Variants in ITGB6 observed in about 807,000 individuals in gnomAD.
ITGB6 encodes integrin beta-6.
Under a neutral mutation model 84.5 loss-of-function variants are expected in ITGB6, and 80 were observed. That is an observed-to-expected ratio of 0.95 (90% CI 0.79 to 1.14). ITGB6 has a LOEUF of 1.14. Ranked by LOEUF, ITGB6 falls within the 50% of genes most tolerant of loss-of-function variation. The pLI, the probability that ITGB6 is intolerant of heterozygous loss-of-function variation, is 0.00. For synonymous variants in ITGB6, 383 were observed against 354.9 expected (o/e 1.08, Z -0.89); for missense variants, 1,006 against 968.0 (o/e 1.04, Z -0.52).
chr2:160,128,459 A>G (rs1008780917), intron 10 of ITGB6, among the ~76,000 whole-genome samples: 3 of 152,188 alleles, frequency 2.0e-5, no homozygotes, highest in Non-Finnish European at 2.9e-5. Context: ...CTGAAGGAAG[A>G]GCTTCTATCC....
At chr2:160,175,983 G>C (rs1331514775) in intron 4 of ITGB6, among the ~76,000 whole-genome samples, 1 of 152,212 alleles carries the variant, frequency 6.6e-6, no homozygotes, top group African/African-American at 2.4e-5. Context: ...CTTTCACACT[G>C]AGTAAGGATG....
chr2:160,142,110 C>G, intron 7 of ITGB6, 39 bp from the exon 8 acceptor site: 1 of 1,329,676 alleles, frequency 7.5e-7, no homozygotes, highest in African/African-American at 1.5e-5. Context: ...TTTGTTTCCT[C>G]ATGGTAATTG....
rs1682546760 is a variant in ITGB6, at chr2:160,112,100, A to G, written c.2081T>C (p.Ile694Thr). 1 of 1,613,318 alleles carries G rather than the reference A, an allele frequency of 6.2e-7. No individual in the cohort carries two copies. Among genetic ancestry groups the G allele is most frequent in the Non-Finnish European group, 8.5e-7 (1 of 1,179,800 alleles). Residue 694 changes from isoleucine (I) to threonine (T), a missense_variant, in exon 13 of 15, where the codon ATT (isoleucine) becomes ACT (threonine). Transcript: ENST00000283249. The stretch of plus-strand genomic sequence containing the variant: ...CCCACCTTTTTCATTGATGCTGTGA[A>G]TGATGGTTTTCCCCTCATTATCTGT... ...ITTDNEGKTI[I>T]HSINEKDCPK...
chr2:160,176,250 G>A (rs562151356), intron 4 of ITGB6, among the ~76,000 whole-genome samples: 4 of 152,198 alleles, frequency 2.6e-5, no homozygotes, highest in East Asian at 3.9e-4. Context: ...AAAAGCTCTC[G>A]CAACCAAAGG....
At chr2:160,175,376 G>T (rs1298542599) in intron 4 of ITGB6, among the ~76,000 whole-genome samples, 1 of 152,170 alleles carries the variant, frequency 6.6e-6, no homozygotes, top group Non-Finnish European at 1.5e-5. Context: ...GTGGACATGT[G>T]TAGACAGGCA....
intron 4 of ITGB6, among the ~76,000 whole-genome samples, chr2:160,181,902 A>G (rs1207962887): frequency 6.6e-6 from 1 of 152,208 alleles, no homozygotes; most frequent in Non-Finnish European, 1.5e-5. Context: ...GAGGGGCCTG[A>G]TTGTTAGAAG....
chr2:160,157,425 G>C (rs1182084564), intron 7 of ITGB6, among the ~76,000 whole-genome samples: 2 of 152,130 alleles, frequency 1.3e-5, no homozygotes, highest in Non-Finnish European at 2.9e-5. Context: ...GTAATACATG[G>C]TAGAAATAGG....
chr2:160,125,573 C>T (rs915574337), intron 11 of ITGB6, among the ~76,000 whole-genome samples: 4 of 152,144 alleles, frequency 2.6e-5, no homozygotes, highest in African/African-American at 9.7e-5. Context: ...GGTGAGTAAC[C>T]ACTGAGTGAA....
At chr2:160,187,443 T>A (rs963982187) in intron 4 of ITGB6, among the ~76,000 whole-genome samples, 3 of 152,208 alleles carry the variant, frequency 2.0e-5, no homozygotes, top group African/African-American at 7.2e-5. Flanking sequence ...TCACCTGTTA[T>A]CTAGTTTGAA....
At chr2:160,194,406 A>G (rs982463059) in intron 4 of ITGB6, among the ~76,000 whole-genome samples, 2 of 152,008 alleles carry the variant, frequency 1.3e-5, no homozygotes, top group African/African-American at 4.8e-5. Context: ...TTATAAATTA[A>G]TAAATATTTG....
rs1045559536 is a variant in ITGB6, at chr2:160,138,325, C to G, written c.1108-126G>C. The stretch of plus-strand genomic sequence containing the variant: ...ACTAAATTGGGTGTCTAAAGAAATT[C>G]AGTATATCATCAATCAAAAGCAAGA... On this transcript the variant is annotated intron_variant, in intron 8 of 14. Transcript: ENST00000283249. 4 of 838,370 alleles carry G rather than the reference C, an allele frequency of 4.8e-6. No individual in the cohort carries two copies. In the East Asian group the frequency reaches 1.1e-4, roughly 22 times the overall value. 51.9% of individuals were successfully genotyped at this position (838,370 alleles called of 1,614,324 possible). A position where few individuals can be genotyped will look rare whatever the true frequency, so the allele number is the denominator to read the frequency against.
intron 7 of ITGB6, among the ~76,000 whole-genome samples, chr2:160,156,494 G>C (rs1684628178): frequency 6.6e-6 from 1 of 152,138 alleles, no homozygotes; most frequent in Admixed American, 6.5e-5. Context: ...GGAATGCATG[G>C]GGGAGTGGAC....
intron 7 of ITGB6, among the ~76,000 whole-genome samples, chr2:160,167,541 C>T (rs1436919607): frequency 6.6e-6 from 1 of 152,140 alleles, no homozygotes; most frequent in Non-Finnish European, 1.5e-5. Context: ...ATAAATTCGC[C>T]TCATAATAAG....
intron 12 of ITGB6, among the ~76,000 whole-genome samples, chr2:160,122,940 T>G (rs1164018661): frequency 6.6e-6 from 1 of 152,200 alleles, no homozygotes; most frequent in Admixed American, 6.5e-5. Flanking sequence ...CTTGGCCACA[T>G]CTCTAATGTG....
At chr2:160,107,558 A>G in intron 14 of ITGB6, 121 bp downstream of exon 14, 1 of 859,392 alleles carries the variant, frequency 1.2e-6, no homozygotes, top group Non-Finnish European at 1.9e-6. Flanking sequence ...AGTCATGGCG[A>G]GAGTGGGAGA....
At chr2:160,117,243 A>C (rs1160790605) in intron 12 of ITGB6, among the ~76,000 whole-genome samples, 3 of 152,186 alleles carry the variant, frequency 2.0e-5, no homozygotes, top group Non-Finnish European at 4.4e-5. Flanking sequence ...ACCTATTCCA[A>C]AAGTAACCAC....
intron 7 of ITGB6, among the ~76,000 whole-genome samples, chr2:160,158,938 A>C (rs554216405): frequency 6.6e-6 from 1 of 152,226 alleles, no homozygotes; most frequent in East Asian, 1.9e-4. Flanking sequence ...GTCTCTAATA[A>C]AAATACAAAA....
chr2:160,113,603 G>A (rs1431714038), intron 12 of ITGB6, among the ~76,000 whole-genome samples: 1 of 152,186 alleles, frequency 6.6e-6, no homozygotes, highest in African/African-American at 2.4e-5. Context: ...AATGATTATG[G>A]TCATCTAAGT....
chr2:160,112,159 T>C lies in ITGB6; in HGVS notation c.2022A>G (p.Gly674=), dbSNP rs1271402905. 6.2e-7 allele frequency: 1 copy of C among 1,612,828 alleles called. No homozygotes were observed. The highest frequency in any genetic ancestry group is 1.3e-5 in the African/African-American group (1 of 75,018). ...GGAATGTAATAAGACATTCATTTTC[T>C]CCTTGCAGAGAGCAGGAAACAGAAC... is the stretch of plus-strand genomic sequence containing the variant. ...KDGSVSCSLQ[G]ENECLITFLI... is the part of the protein sequence containing the mutation. The change falls in exon 13 of 15, where the codon GGA becomes GGG. Residue 674 remains glycine, a synonymous_variant. Coordinates refer to ENST00000283249, the MANE Select transcript of ITGB6 (RefSeq NM_000888.5).
Sources: gnomAD v4.1 joint callset for allele counts (sites outside exome capture counted in the v4.1 genomes callset) on GRCh38, gnomAD v4.1.1 for gene constraint, MANE v1.5 for transcripts, NCBI Gene and HGNC (gene_info 2026-07-23, HGNC 2026-07-21) for gene names.